Variants in IGLL1 observed in about 807,000 individuals in gnomAD.
The protein encoded by IGLL1 is immunoglobulin lambda-like polypeptide 1.
Under a neutral mutation model 10.5 loss-of-function variants are expected in IGLL1, and 10 were observed. That is an observed-to-expected ratio of 0.95 (90% confidence interval 0.59 to 1.62). The LOEUF (loss-of-function observed/expected upper bound fraction) is 1.62. Among genes scored for constraint, IGLL1 ranks in the 40% most tolerant of loss-of-function variants. IGLL1 has a pLI of 0.00. For synonymous variants in IGLL1, 141 were observed against 122.7 expected, an observed-to-expected ratio of 1.15 and a Z score of -0.99; for missense variants, 284 against 278.7, an observed-to-expected ratio of 1.02 and a Z score of -0.14.
In IGLL1 at chr22:23,580,170, CT is replaced by C; in HGVS notation, c.20del (p.Gln7ArgfsTer28). On this transcript the variant is annotated frameshift_variant, in exon 1 of 3. Transcript: ENST00000330377. LOFTEE classifies it high-confidence loss of function. ...GCTCACCAGGGGCCTCAAGGCCCCC[CT>C]GGCCTGTCCCTGGCCTCATCGGCCC... is the stretch of plus-strand genomic sequence containing the variant. Reference protein sequence around the residue: MRPGTGQGGLEAPGEPG... With the variant: MRPGTGXGGLEAPGEPG... 6.5e-7 allele frequency: 1 copy of C among 1,543,616 alleles called. No homozygotes were observed. Among genetic ancestry groups the C allele is most frequent in the Non-Finnish European group, 8.7e-7 (1 of 1,148,144 alleles).
At chr22:23,579,050 A>G (rs1925201104) in intron 1 of IGLL1, among the ~76,000 whole-genome samples, 1 of 152,072 alleles carries the variant, frequency 6.6e-6, no homozygotes, top group Non-Finnish European at 1.5e-5. Flanking sequence ...AGAGGATGGG[A>G]CAGGGGAGAG....
rs1924860218 is a variant in IGLL1 at position 23,573,232 on chromosome 22, C to G, written c.*34G>C. On this transcript the variant is annotated 3_prime_UTR_variant, in exon 3 of 3. Coordinates refer to ENST00000330377, the MANE Select transcript of IGLL1 (RefSeq NM_020070.4). Reference sequence around the variant, plus strand: ...ACCCTTCCCCTGGGATCCTGCAGCTCCAGGCCCCTTTGGGTGGGGTCGGGG... The same window carrying G: ...ACCCTTCCCCTGGGATCCTGCAGCTGCAGGCCCCTTTGGGTGGGGTCGGGG... 1 of 1,606,740 alleles carries G rather than the reference C, an allele frequency of 6.2e-7. No homozygotes were observed. Among genetic ancestry groups the G allele is most frequent in the Non-Finnish European group, 8.5e-7 (1 of 1,173,800 alleles).
At position 23,573,553 on chromosome 22, in the gene IGLL1, A is replaced by G; in HGVS notation, c.355T>C (p.Phe119Leu). ...TGGAGCTCCTCAGAGGACGGCGGGA[A>G]CAGAGTGACCGAGGGGGTGGCCTTG... ...QPKATPSVTL[F>L]PPSSEELQAN... Residue 119 changes from phenylalanine to leucine, a missense_variant, in exon 3 of 3, where the codon TTC becomes CTC. By Grantham distance (22) the Phe-to-Leu change is conservative (BLOSUM62 0). Coordinates refer to ENST00000330377, the MANE Select transcript of IGLL1 (RefSeq NM_020070.4). 6.2e-7 allele frequency: 1 copy of G among 1,613,888 alleles called. No homozygotes were observed. The highest frequency in any genetic ancestry group is 2.2e-5 in the East Asian group (1 of 44,870).
intron 1 of IGLL1, among the ~76,000 whole-genome samples, chr22:23,579,147 C>T (rs980876294): frequency 2.6e-5 from 4 of 151,930 alleles, no homozygotes; most frequent in South Asian, 2.1e-4. Context: ...GCTCTATCCC[C>T]GTCTGCACAA....
At chr22:23,573,915 T>G (rs1924920546) in intron 2 of IGLL1, among the ~76,000 whole-genome samples, 1 of 150,288 alleles carries the variant, frequency 6.7e-6, no homozygotes, top group Admixed American at 6.6e-5. Flanking sequence ...AATCTAGGGG[T>G]CTCCCTCACA....
At chr22:23,576,742 A>G (rs115025839) in intron 1 of IGLL1, among the ~76,000 whole-genome samples, 1,935 of 152,216 alleles carry the variant, frequency 0.013, 50 homozygotes, top group African/African-American at 0.044. Context: ...CCATTTTTAT[A>G]CATAGCATCA....
chr22:23,574,927 A>C, intron 2 of IGLL1, 40 bp downstream of exon 2: 2 of 1,350,140 alleles, frequency 1.5e-6, no homozygotes, highest in Non-Finnish European at 2.1e-6. Flanking sequence ...TTCCAGAGAC[A>C]GGAGAGGGTG....
intron 1 of IGLL1, 92 bp from the exon 2 acceptor site, chr22:23,575,174 A>G (rs1198127423): frequency 1.1e-6 from 1 of 874,142 alleles, no homozygotes; most frequent in Non-Finnish European, 2.0e-6. Context: ...AGTGTCCCCC[A>G]GTAGTGTCTC....
At position 23,573,245 on chromosome 22, in the gene IGLL1, G is replaced by A. The variant is rs780258006; in HGVS notation, c.*21C>T. 1.9e-6 allele frequency: 3 copies of A among 1,611,120 alleles called. No homozygotes were observed. Among genetic ancestry groups the A allele is most frequent in the Non-Finnish European group, 2.5e-6 (3 of 1,177,438 alleles). ...GATCCTGCAGCTCCAGGCCCCTTTGGGTGGGGTCGGGGCTGGGAACCTATG... is the reference window on the plus strand; with the variant it reads ...GATCCTGCAGCTCCAGGCCCCTTTGAGTGGGGTCGGGGCTGGGAACCTATG... On this transcript the variant is annotated 3_prime_UTR_variant, in exon 3 of 3. Coordinates refer to ENST00000330377, the MANE Select transcript of IGLL1 (RefSeq NM_020070.4).
rs781180907 is a variant in IGLL1 at position 23,573,588 on chromosome 22, G to T, written c.323-3C>A. The T allele has an allele frequency of 1.9e-6, 3 of 1,612,012 alleles. No homozygotes were observed. Among genetic ancestry groups the T allele is most frequent in the Non-Finnish European group, 2.5e-6 (3 of 1,178,352 alleles). On this transcript the variant is annotated splice_region_variant and splice_polypyrimidine_tract_variant and intron_variant, in intron 2 of 2. Coordinates refer to ENST00000330377, the MANE Select transcript of IGLL1 (RefSeq NM_020070.4). Reference sequence around the variant, plus strand: ...CGAGGGGGTGGCCTTGGGCTGACCTGTGTGGACAGAGGAGGGGGTGAGAGA... The same window carrying T: ...CGAGGGGGTGGCCTTGGGCTGACCTTTGTGGACAGAGGAGGGGGTGAGAGA...
rs1012394014 is a variant in IGLL1, at chr22:23,580,140, G to A, written c.51C>T (p.Gly17=). The A allele has an allele frequency of 6.4e-7, 1 of 1,557,588 alleles. No homozygotes were observed. The highest frequency in any genetic ancestry group is 8.7e-7 in the Non-Finnish European group (1 of 1,154,228). Residue 17 remains glycine, a synonymous_variant, in exon 1 of 3, where the codon GGC becomes GGT. Transcript: ENST00000330377. ...GGGGCCAGCGCTGCCTGAGGTTGGG[G>A]CCTGGCTCACCAGGGGCCTCAAGGC... ...QGGLEAPGEP[G]PNLRQRWPLL...
chr22:23,574,887 G>T, intron 2 of IGLL1, 80 bp downstream of exon 2: 1 of 964,202 alleles, frequency 1.0e-6, no homozygotes, highest in Non-Finnish European at 1.7e-6. Flanking sequence ...AGGGCAGAGG[G>T]GAAGAAGCCC....
rs373712072 is a variant in IGLL1, at chr22:23,573,563, C to G, written c.345G>C (p.Ser115=). The change falls in exon 3 of 3, where the codon TCG becomes TCC. Residue 115 remains serine (S), a synonymous_variant. Coordinates refer to ENST00000330377, the MANE Select transcript of IGLL1 (RefSeq NM_020070.4). ...CAGAGGACGGCGGGAACAGAGTGAC[C>G]GAGGGGGTGGCCTTGGGCTGACCTG... ...TVLSQPKATP[S]VTLFPPSSEE... The G allele has an allele frequency of 2.5e-6, 4 of 1,613,574 alleles. No homozygotes were observed. The South Asian group carries it at 3.3e-5, about 13-fold the overall frequency.
intron 1 of IGLL1, among the ~76,000 whole-genome samples, chr22:23,576,322 A>C (rs1386298644): frequency 8.0e-6 from 1 of 124,236 alleles, no homozygotes; most frequent in African/African-American, 3.1e-5. Flanking sequence ...TCTGTTGCCC[A>C]GGCTGGAGTG....
chr22:23,576,306 T>C (rs1602290581), intron 1 of IGLL1, among the ~76,000 whole-genome samples: 1 of 129,294 alleles, frequency 7.7e-6, no homozygotes. Context: ...TGAGACAGAG[T>C]CTCGCTCTGT....
intron 1 of IGLL1, 53 bp from the exon 2 acceptor site, chr22:23,575,135 C>G (rs755138635): frequency 2.3e-6 from 3 of 1,304,520 alleles, no homozygotes; most frequent in African/African-American, 2.9e-5. Context: ...GACCCAGGCA[C>G]AGGGTAGGGG....
At chr22:23,579,116 C>T (rs746047929) in intron 1 of IGLL1, among the ~76,000 whole-genome samples, 1 of 151,930 alleles carries the variant, frequency 6.6e-6, no homozygotes, top group Non-Finnish European at 1.5e-5. Context: ...GTGACTCGGA[C>T]GGGTCACCTC....
intron 1 of IGLL1, among the ~76,000 whole-genome samples, chr22:23,575,709 G>A (rs1205718011): frequency 2.0e-5 from 3 of 152,128 alleles, no homozygotes; most frequent in Non-Finnish European, 4.4e-5. Context: ...ACTGTGTGCT[G>A]GGGACATGGT....
At chr22:23,576,728 C>T (rs1028307171) in intron 1 of IGLL1, among the ~76,000 whole-genome samples, 2 of 152,064 alleles carry the variant, frequency 1.3e-5, no homozygotes, top group Admixed American at 1.3e-4. Flanking sequence ...CACCACACCC[C>T]GCTCCATTTT....
Sources: gnomAD v4.1 joint callset for allele counts (sites outside exome capture counted in the v4.1 genomes callset) on GRCh38, gnomAD v4.1.1 for gene constraint, MANE v1.5 for transcripts, NCBI Gene and HGNC (gene_info 2026-07-23, HGNC 2026-07-21) for gene names.